The following AQR variants were observed in gnomAD, a reference collection of about 807,000 sequenced individuals.
AQR encodes the protein aquarius intron-binding spliceosomal factor.
AQR carries 61 observed loss-of-function variants against 180.5 expected under a neutral mutation model. The observed-to-expected ratio is 0.34, with a 90% CI of 0.28 to 0.42. AQR has a LOEUF of 0.42. Ranked by LOEUF, AQR falls within the 10% of genes least tolerant of loss-of-function variation. The pLI, the probability that AQR is intolerant of heterozygous loss-of-function variation, is 1.00. For missense variants in AQR, 1,281 were observed against 1,798.3 expected (o/e 0.71, Z 5.20); for synonymous variants, 551 against 588.8 (o/e 0.94, Z 0.93).
At chr15:34,946,688 C>T (rs1429299737) in intron 5 of AQR, among the ~76,000 whole-genome samples, 25 of 137,660 alleles carry the variant, frequency 1.8e-4, no homozygotes, top group African/African-American at 6.5e-4. Context: ...CGGCCAGCCG[C>T]CCGTCCGGGA....
At chr15:34,877,562 T>A (rs147866812) in intron 27 of AQR, among the ~76,000 whole-genome samples, 330 of 151,180 alleles carry the variant, frequency 2.2e-3, no homozygotes, top group Non-Finnish European at 3.8e-3. Context: ...CTGTGTAGAC[T>A]CTCAAGATAA....
At chr15:34,953,216 A>T (rs1466301952) in intron 3 of AQR, among the ~76,000 whole-genome samples, 1 of 152,246 alleles carries the variant, frequency 6.6e-6, no homozygotes, top group Non-Finnish European at 1.5e-5. Context: ...CTTAGTGTTG[A>T]CAGTGAGCTT....
intron 4 of AQR, among the ~76,000 whole-genome samples, chr15:34,951,426 C>A (rs1478835386): frequency 6.6e-6 from 1 of 152,172 alleles, no homozygotes; most frequent in Non-Finnish European, 1.5e-5. Flanking sequence ...GTAATCCCAG[C>A]ACTTTAGGAA....
At chr15:34,900,175 GAGC>G (rs1209865086) in intron 20 of AQR, among the ~76,000 whole-genome samples, 1 of 152,100 alleles carries the variant, frequency 6.6e-6, no homozygotes. Context: ...TTATATGCAT[GAGC>G]CATCATACCC....
chr15:34,895,308 G>T (rs1489784033), intron 22 of AQR, among the ~76,000 whole-genome samples: 1 of 139,096 alleles, frequency 7.2e-6, no homozygotes, highest in South Asian at 2.3e-4. Context: ...CAAAATAAAG[G>T]GAACAAATAG....
At chr15:34,962,711 G>A (rs1042464393) in intron 2 of AQR, among the ~76,000 whole-genome samples, 3 of 151,782 alleles carry the variant, frequency 2.0e-5, no homozygotes, top group Non-Finnish European at 4.4e-5. Context: ...GGAGGCTGCA[G>A]TGAGCCAGAA....
intron 9 of AQR, among the ~76,000 whole-genome samples, chr15:34,938,184 G>T (rs967765933): frequency 2.6e-5 from 4 of 152,060 alleles, no homozygotes; most frequent in South Asian, 4.2e-4. Context: ...TAGTAATTAG[G>T]TGATAAAAAA....
intron 11 of AQR, 79 bp from the exon 12 acceptor site, chr15:34,930,450 GGTTCA>G: frequency 2.6e-6 from 2 of 759,950 alleles, no homozygotes; most frequent in Non-Finnish European, 4.3e-6. Flanking sequence ...ATAATAAACA[GGTTCA>G]TACAGTTTCT....
At chr15:34,896,748 C>T (rs28609196) in intron 22 of AQR, 149 bp downstream of exon 22, 1 of 688,090 alleles carries the variant, frequency 1.5e-6, no homozygotes, top group East Asian at 2.9e-5. Flanking sequence ...ACTTGGGAGG[C>T]TTAGGCAGAA....
intron 16 of AQR, among the ~76,000 whole-genome samples, chr15:34,912,398 C>A (rs1893514431): frequency 6.6e-6 from 1 of 152,050 alleles, no homozygotes; most frequent in Non-Finnish European, 1.5e-5. Flanking sequence ...TCTTTCATTT[C>A]TGAAGGACCT....
At chr15:34,929,294 G>C (rs1893813253) in intron 12 of AQR, among the ~76,000 whole-genome samples, 3 of 152,104 alleles carry the variant, frequency 2.0e-5, no homozygotes, top group South Asian at 4.2e-4. Context: ...GTATCGCCTA[G>C]GTTTTCTTCT....
chr15:34,867,643 G>T lies in AQR; in HGVS notation c.3769-34C>A, dbSNP rs776679115. The T allele has an allele frequency of 1.3e-5, 19 of 1,502,912 alleles. No individual in the cohort carries two copies. In the African/African-American group the frequency reaches 1.5e-4, roughly 12 times the overall value. The allele number at this position is 1,502,912 out of a possible 1,614,324, so 93.1% of individuals were successfully genotyped here. A position where few individuals can be genotyped will look rare whatever the true frequency, so the allele number is the denominator to read the frequency against. On this transcript the variant is annotated intron_variant, in intron 31 of 34. Transcript: ENST00000156471. ...AAAAAATGGAAAATATGGTGCATTT[G>T]CAAAAGCCAAAAGACACTAGAGATC...
rs1289720152 is a variant in AQR, at chr15:34,854,799, G to GGA, written c.*1991_*1992dup. ...TGTACATTGCTTGGACAATAGTTAA[G>GGA]GAGAGAGCACTTAACAGCCAGCTTA... is the stretch of plus-strand genomic sequence containing the variant. On this transcript the variant is annotated 3_prime_UTR_variant, in exon 35 of 35. Coordinates refer to ENST00000156471, the MANE Select transcript of AQR (RefSeq NM_014691.3). 9 of 152,188 alleles carry GGA rather than the reference G, an allele frequency of 5.9e-5. 1 individual carries two copies. Among genetic ancestry groups the GGA allele is most frequent in the Non-Finnish European group, 1.3e-4 (9 of 68,028 alleles). The allele number at this position is 152,188 out of a possible 1,614,324, so 9.4% of individuals were successfully genotyped here.
At chr15:34,884,408 AAAAAAAC>A (rs1893024065) in intron 26 of AQR, 110 bp downstream of exon 26, 1 of 977,486 alleles carries the variant, frequency 1.0e-6, no homozygotes, top group Non-Finnish European at 1.5e-6. Context: ...TCCGTCTCAA[AAAAAAAC>A]AAAAAAACAA....
At chr15:34,876,739 A>G (rs527734645) in intron 27 of AQR, among the ~76,000 whole-genome samples, 13 of 152,274 alleles carry the variant, frequency 8.5e-5, no homozygotes, top group South Asian at 4.1e-4. Flanking sequence ...CCTATATTCA[A>G]TCTAGTCCCT....
chr15:34,944,283 A>G lies in AQR; in HGVS notation c.471+5T>C. 1 of 1,574,406 alleles carries G rather than the reference A, an allele frequency of 6.4e-7. No homozygotes were observed. On this transcript the variant is annotated splice_donor_5th_base_variant and intron_variant, in intron 6 of 34. Coordinates refer to ENST00000156471, the MANE Select transcript of AQR (RefSeq NM_014691.3). ...AAATTACCCCAAAATATAAAGTAAAAGTACCAAACTATTGAAGCAATGATC... is the reference window on the plus strand; with the variant it reads ...AAATTACCCCAAAATATAAAGTAAAGGTACCAAACTATTGAAGCAATGATC...
intron 20 of AQR, among the ~76,000 whole-genome samples, chr15:34,899,678 A>AT (rs762396274): frequency 1.3e-5 from 2 of 148,180 alleles, no homozygotes; most frequent in Non-Finnish European, 3.0e-5. Context: ...GCCTATTATT[A>AT]TATATATATA....
At position 34,870,902 on chromosome 15, in the gene AQR, A is replaced by G; in HGVS notation, c.3618T>C (p.Tyr1206=). Residue 1206 remains tyrosine, a synonymous_variant, in exon 31 of 35, where the codon TAT becomes TAC. Transcript: ENST00000156471. ...ACATGTACATAAAAAGTGCTACTAC[A>G]TATTCTGCCTCTCCAAGATTCTGTA... is the stretch of plus-strand genomic sequence containing the variant. The part of the protein sequence containing the change: ...YFYQNLGEAE[Y]VVALFMYMCL... 6.2e-7 allele frequency: 1 copy of G among 1,612,510 alleles called. No individual in the cohort carries two copies. Among genetic ancestry groups the G allele is most frequent in the Middle Eastern group, 1.7e-4 (1 of 6,038 alleles).
intron 27 of AQR, among the ~76,000 whole-genome samples, chr15:34,880,993 T>C (rs1892964728): frequency 6.6e-6 from 1 of 152,216 alleles, no homozygotes; most frequent in Admixed American, 6.5e-5. Context: ...TTAGCACTCA[T>C]GCTAACTACC....
Sources: allele counts gnomAD v4.1 joint callset (sites outside exome capture counted in the v4.1 genomes callset), GRCh38; gene constraint gnomAD v4.1.1; transcripts MANE v1.5; gene names NCBI Gene and HGNC (gene_info 2026-07-23, HGNC 2026-07-21).